Variants in PMEPA1 observed in about 807,000 individuals in gnomAD.
The protein encoded by PMEPA1 is protein TMEPAI.
PMEPA1 carries 11 observed loss-of-function variants against 23.0 expected under a neutral mutation model. That is an observed-to-expected ratio of 0.48 (90% CI 0.30 to 0.79). The LOEUF (loss-of-function observed/expected upper bound fraction) is 0.79, where lower values mean the gene tolerates loss of function less well. Among genes scored for constraint, PMEPA1 ranks in the 30% least tolerant of loss-of-function variants. The probability of loss-of-function intolerance (pLI) is 0.06; values close to 1 mark genes in which losing one functional copy is unlikely to be tolerated. For synonymous variants in PMEPA1, 204 were observed against 166.4 expected (o/e 1.23, Z -1.74); for missense variants, 377 against 390.9 (o/e 0.96, Z 0.30).
At chr20:57,692,217 C>T (rs1281184004) in intron 1 of PMEPA1, among the ~76,000 whole-genome samples, 1 of 152,216 alleles carries the variant, frequency 6.6e-6, no homozygotes, top group Non-Finnish European at 1.5e-5. Context: ...TTACAATCCC[C>T]ATTTTACAGA....
At chr20:57,702,168 G>A (rs3795093) in intron 1 of PMEPA1, among the ~76,000 whole-genome samples, 5,605 of 152,298 alleles carry the variant, frequency 0.037, 126 homozygotes, top group African/African-American at 0.067. Flanking sequence ...GTTCCCTGAC[G>A]TTCTGCGGCC....
In PMEPA1 at chr20:57,693,282, T is replaced by G. The variant is rs140156470; in HGVS notation, c.109+16192A>C. On this transcript the variant is annotated intron_variant, in intron 1 of 3. Coordinates refer to ENST00000341744, the MANE Select transcript of PMEPA1 (RefSeq NM_020182.5). Reference sequence around the variant, plus strand: ...ATGAGCAGAGAGACCAGGCCCAGAGTGCCAAGTGCCCTCCCTGCCCCACAC... The same window carrying G: ...ATGAGCAGAGAGACCAGGCCCAGAGGGCCAAGTGCCCTCCCTGCCCCACAC... Among the ~76,000 whole-genome samples, 339 of 152,094 alleles carry G rather than the reference T, an allele frequency of 2.2e-3. 1 individual carries two copies. The highest frequency in any genetic ancestry group is 7.9e-3 in the African/African-American group (328 of 41,476).
chr20:57,681,529 G>A (rs1019386651), intron 1 of PMEPA1, among the ~76,000 whole-genome samples: 2 of 151,958 alleles, frequency 1.3e-5, no homozygotes, highest in Non-Finnish European at 2.9e-5. Flanking sequence ...GCATCAAGAA[G>A]GGAACGGCCC....
intron 1 of PMEPA1, 70 bp downstream of exon 1, chr20:57,709,404 C>A: frequency 2.0e-6 from 2 of 1,014,884 alleles, no homozygotes; most frequent in Non-Finnish European, 2.4e-6. Context: ...GACCCCCGCT[C>A]GCAGCTGTGC....
At chr20:57,660,018 T>C (rs1271245817) in intron 1 of PMEPA1, among the ~76,000 whole-genome samples, 1 of 152,314 alleles carries the variant, frequency 6.6e-6, no homozygotes, top group South Asian at 2.1e-4. Flanking sequence ...CCCTGCTCTC[T>C]GCTCTCAGAG....
chr20:57,701,092 T>C (rs2146711017), intron 1 of PMEPA1, among the ~76,000 whole-genome samples: 2 of 151,632 alleles, frequency 1.3e-5, no homozygotes, highest in South Asian at 4.2e-4. Context: ...AAAATCAGAC[T>C]ATAGTTCGAA....
intron 2 of PMEPA1, among the ~76,000 whole-genome samples, chr20:57,657,238 C>G (rs1232904849): frequency 6.6e-6 from 1 of 152,192 alleles, no homozygotes; most frequent in Non-Finnish European, 1.5e-5. Context: ...TGGAGATGCA[C>G]ACACTGAGGC....
At chr20:57,701,443 T>C (rs2072009918) in intron 1 of PMEPA1, among the ~76,000 whole-genome samples, 1 of 152,242 alleles carries the variant, frequency 6.6e-6, no homozygotes, top group Non-Finnish European at 1.5e-5. Context: ...TTTTGCCATT[T>C]GATGGCCTTT....
At chr20:57,685,127 C>T (rs1018973656) in intron 1 of PMEPA1, among the ~76,000 whole-genome samples, 2 of 151,716 alleles carry the variant, frequency 1.3e-5, no homozygotes, top group East Asian at 1.9e-4. Context: ...CCCCCGAGAA[C>T]GTGCATCTGC....
At chr20:57,709,371 TC>T (rs1412575208) in intron 1 of PMEPA1, 102 bp downstream of exon 1, 2 of 842,872 alleles carry the variant, frequency 2.4e-6, no homozygotes, top group Non-Finnish European at 2.9e-6. Context: ...GGGCGTTCGG[TC>T]CGAGGGGGCG....
At chr20:57,701,201 G>A (rs1412721575) in intron 1 of PMEPA1, among the ~76,000 whole-genome samples, 4 of 152,190 alleles carry the variant, frequency 2.6e-5, no homozygotes, top group African/African-American at 9.6e-5. Flanking sequence ...ATTAGAATGT[G>A]CTGGAGCATT....
chr20:57,690,432 C>G, intron 1 of PMEPA1: 2 of 1,304,272 alleles, frequency 1.5e-6, no homozygotes, highest in Non-Finnish European at 2.0e-6. Flanking sequence ...GACTTTTCGC[C>G]TGTCATTTAT....
intron 1 of PMEPA1, among the ~76,000 whole-genome samples, chr20:57,702,057 T>C (rs1342602142): frequency 6.6e-6 from 1 of 152,178 alleles, no homozygotes; most frequent in East Asian, 1.9e-4. Flanking sequence ...AAGGTGCCTC[T>C]GAGTGTGGCC....
At chr20:57,699,218 T>C (rs16981278) in intron 1 of PMEPA1, among the ~76,000 whole-genome samples, 2,287 of 152,266 alleles carry the variant, frequency 0.015, 59 homozygotes, top group African/African-American at 0.052. Flanking sequence ...AGTGGGCAGC[T>C]TGATGCAAGA....
chr20:57,708,201 A>C (rs1035498153), intron 1 of PMEPA1, among the ~76,000 whole-genome samples: 2 of 152,220 alleles, frequency 1.3e-5, no homozygotes, highest in Middle Eastern at 3.2e-3. Context: ...TTCATTCCAC[A>C]GCGGCTGCTT....
In PMEPA1 at chr20:57,696,195, G is replaced by A. The variant is rs930413510; in HGVS notation, c.109+13279C>T. Among the ~76,000 whole-genome samples, 3 of 152,184 alleles carry A rather than the reference G, an allele frequency of 2.0e-5. No individual in the cohort carries two copies. In the South Asian group the frequency reaches 6.2e-4, roughly 31 times the overall value. ...AGGAAGGAGCAGAGGCCCCCAACCA[G>A]CCCATCCCTTAAACCAAGTGACAGG... On this transcript the variant is annotated intron_variant, in intron 1 of 3. Coordinates refer to ENST00000341744, the MANE Select transcript of PMEPA1 (RefSeq NM_020182.5).
At chr20:57,673,134 T>C (rs566810302) in intron 1 of PMEPA1, among the ~76,000 whole-genome samples, 2 of 152,166 alleles carry the variant, frequency 1.3e-5, no homozygotes, top group African/African-American at 4.8e-5. Flanking sequence ...TCCAAGCCTC[T>C]TGGCCGCCAG....
chr20:57,685,429 G>A (rs1031628797), intron 1 of PMEPA1, among the ~76,000 whole-genome samples: 14 of 152,210 alleles, frequency 9.2e-5, no homozygotes, highest in Admixed American at 6.5e-4. Flanking sequence ...TTCCGCTGGC[G>A]TGCTGTCTAG....
intron 1 of PMEPA1, among the ~76,000 whole-genome samples, chr20:57,707,732 C>A (rs1438340399): frequency 2.0e-5 from 3 of 150,688 alleles, no homozygotes; most frequent in African/African-American, 7.4e-5. Context: ...ATAAGGGTGA[C>A]ACAAGGATGT....
Sources: gnomAD v4.1 joint callset for allele counts (sites outside exome capture counted in the v4.1 genomes callset) on GRCh38, gnomAD v4.1.1 for gene constraint, MANE v1.5 for transcripts, NCBI Gene and HGNC (gene_info 2026-07-23, HGNC 2026-07-21) for gene names.